ZBTB44: variants seen among roughly 807,000 people sequenced by gnomAD.
ZBTB44 encodes zinc finger and BTB domain containing 44, also known as zinc finger and BTB domain-containing protein 44.
In ZBTB44, 15 loss-of-function variants were observed where a neutral mutation model predicts 54.0. The ratio of observed to expected loss-of-function variants is 0.28; its 90% CI spans 0.19 to 0.43. ZBTB44 has a LOEUF of 0.43. Among genes scored for constraint, ZBTB44 ranks in the 20% least tolerant of loss-of-function variants. The pLI, the probability that ZBTB44 is intolerant of heterozygous loss-of-function variation, is 1.00. For missense variants in ZBTB44, 487 were observed against 707.1 expected, an observed-to-expected ratio of 0.69 and a Z score of 3.53; for synonymous variants, 230 against 250.1, an observed-to-expected ratio of 0.92 and a Z score of 0.76.
chr11:130,239,706 G>A (rs1954267535), intron 3 of ZBTB44, 106 bp downstream of exon 3: 19 of 858,394 alleles, frequency 2.2e-5, no homozygotes, highest in Non-Finnish European at 3.5e-5. Context: ...AAAGTATACT[G>A]AAGTGAGGTT....
chr11:130,243,407 C>A (rs548234357), intron 2 of ZBTB44, among the ~76,000 whole-genome samples: 1 of 152,232 alleles, frequency 6.6e-6, no homozygotes. Context: ...GGTTCCTGGG[C>A]AGCATTAGCT....
At chr11:130,291,130 C>G (rs1941279395) in intron 1 of ZBTB44, among the ~76,000 whole-genome samples, 1 of 151,992 alleles carries the variant, frequency 6.6e-6, no homozygotes, top group Non-Finnish European at 1.5e-5. Context: ...GTCAGGAAAG[C>G]CTTTGTTGTT....
chr11:130,244,667 G>GAAA (rs11360161), intron 2 of ZBTB44, among the ~76,000 whole-genome samples: 293 of 104,794 alleles, frequency 2.8e-3, no homozygotes, highest in Non-Finnish European at 4.8e-3. Flanking sequence ...ACTCTGTCTG[G>GAAA]AAAAAAAAAA....
intron 2 of ZBTB44, among the ~76,000 whole-genome samples, chr11:130,243,168 A>G (rs1175584673): frequency 6.6e-6 from 1 of 152,136 alleles, no homozygotes; most frequent in Non-Finnish European, 1.5e-5. Flanking sequence ...TATTTACTTT[A>G]TATCTGTGCT....
chr11:130,265,775 T>C (rs1167592523), intron 1 of ZBTB44, among the ~76,000 whole-genome samples: 2 of 152,174 alleles, frequency 1.3e-5, no homozygotes, highest in Non-Finnish European at 1.5e-5. Context: ...GCCATAACTC[T>C]CTTCAATTCT....
chr11:130,277,375 C>T (rs1163333284), intron 1 of ZBTB44, among the ~76,000 whole-genome samples: 2 of 152,188 alleles, frequency 1.3e-5, no homozygotes, highest in African/African-American at 4.8e-5. Context: ...AACATGACTA[C>T]TATATATGTC....
chr11:130,257,238 T>TAAAAAAAAA (rs572669481), intron 2 of ZBTB44, among the ~76,000 whole-genome samples: 1 of 109,342 alleles, frequency 9.1e-6, no homozygotes, highest in African/African-American at 3.2e-5. Flanking sequence ...TCCCAGATCT[T>TAAAAAAAAA]AAAAAAAAAA....
intron 2 of ZBTB44, among the ~76,000 whole-genome samples, chr11:130,245,006 T>C (rs1408459531): frequency 1.3e-5 from 2 of 152,218 alleles, no homozygotes; most frequent in Non-Finnish European, 2.9e-5. Flanking sequence ...ATAGAACTTA[T>C]TTTTTGTTTC....
Position 130,237,017 on chromosome 11 carries a change from C to CT in ZBTB44, c.1343dup (p.His449AlafsTer2). 6.2e-7 allele frequency: 1 copy of CT among 1,611,186 alleles called. No individual in the cohort carries two copies. The highest frequency in any genetic ancestry group is 8.5e-7 in the Non-Finnish European group (1 of 1,178,752). ...ACCGGAAACAGCGTTTACCTTCATG[C>CT]TTTAGGCGATGCATCTTTAGCGAGT... On this transcript the variant is annotated frameshift_variant, in exon 5 of 8. Transcript: ENST00000357899. LOFTEE classifies it high-confidence loss of function.
chr11:130,247,849 G>T (rs1448403826), intron 2 of ZBTB44, among the ~76,000 whole-genome samples: 1 of 152,166 alleles, frequency 6.6e-6, no homozygotes. Context: ...GGGGTTAGAA[G>T]GACTAGAGAG....
intron 2 of ZBTB44, among the ~76,000 whole-genome samples, chr11:130,255,749 A>T (rs111541167): frequency 0.013 from 1,965 of 152,242 alleles, 45 homozygotes; most frequent in African/African-American, 0.045. Flanking sequence ...ACAAACTACC[A>T]TCAGGGAATA....
At chr11:130,273,669 A>G (rs1939843371) in intron 1 of ZBTB44, among the ~76,000 whole-genome samples, 1 of 152,208 alleles carries the variant, frequency 6.6e-6, no homozygotes, top group Non-Finnish European at 1.5e-5. Context: ...TCATGTTTGT[A>G]TACTGGTTTT....
chr11:130,283,350 C>T (rs1940683588), intron 1 of ZBTB44, among the ~76,000 whole-genome samples: 1 of 151,914 alleles, frequency 6.6e-6, no homozygotes, highest in African/African-American at 2.4e-5. Context: ...CCGGCCCATT[C>T]TAACCATTTT....
chr11:130,296,452 T>C, intron 1 of ZBTB44: 2 of 1,229,328 alleles, frequency 1.6e-6, no homozygotes, highest in Non-Finnish European at 2.3e-6. Context: ...ACCACATTCT[T>C]CCAGTTCTGC....
intron 1 of ZBTB44, among the ~76,000 whole-genome samples, chr11:130,262,847 C>A (rs1405318861): frequency 2.0e-5 from 3 of 152,144 alleles, no homozygotes; most frequent in Non-Finnish European, 4.4e-5. Context: ...TGCTTGAGCT[C>A]AGGAGTCCAA....
chr11:130,230,374 A>G lies in ZBTB44; in HGVS notation c.*1390T>C, dbSNP rs528013807. The G allele has an allele frequency of 6.8e-6, 1 of 147,544 alleles. No homozygotes were observed. The highest frequency in any genetic ancestry group is 2.1e-4 in the South Asian group (1 of 4,684). The allele number at this position is 147,544 out of a possible 1,614,324, so 9.1% of individuals were successfully genotyped here. On this transcript the variant is annotated 3_prime_UTR_variant, in exon 8 of 8. Transcript: ENST00000357899. The stretch of plus-strand genomic sequence containing the variant: ...ATTATGGACATCAGATGTATTGACT[A>G]GTCTATTTCATTTGGCAAAGTATTT...
chr11:130,294,368 C>T (rs1941498091), intron 1 of ZBTB44, among the ~76,000 whole-genome samples: 2 of 151,570 alleles, frequency 1.3e-5, no homozygotes, highest in Admixed American at 6.6e-5. Context: ...GCTGAGATCA[C>T]GCCACTGCCC....
chr11:130,254,098 C>T (rs1938242355), intron 2 of ZBTB44, among the ~76,000 whole-genome samples: 1 of 152,114 alleles, frequency 6.6e-6, no homozygotes, highest in Non-Finnish European at 1.5e-5. Context: ...AATGTTAGAC[C>T]TAAAACCATA....
chr11:130,292,972 G>A (rs1460376394), intron 1 of ZBTB44, among the ~76,000 whole-genome samples: 1 of 152,044 alleles, frequency 6.6e-6, no homozygotes, highest in Non-Finnish European at 1.5e-5. Flanking sequence ...TCTAAGTAAA[G>A]GCATTTTCCC....
Sources: gnomAD v4.1 joint callset for allele counts (sites outside exome capture counted in the v4.1 genomes callset) on GRCh38, gnomAD v4.1.1 for gene constraint, MANE v1.5 for transcripts, NCBI Gene and HGNC (gene_info 2026-07-23, HGNC 2026-07-21) for gene names.